The following HMGCLL1 variants were observed in gnomAD, a reference collection of about 807,000 sequenced individuals.
The protein encoded by HMGCLL1 is 3-hydroxymethyl-3-methylglutaryl-CoA lyase, cytoplasmic.
In HMGCLL1, 36 loss-of-function variants were observed where a neutral mutation model predicts 39.1. The observed-to-expected ratio is 0.92, with a 90% CI of 0.71 to 1.22. The LOEUF is 1.22. HMGCLL1 is among the 50% of genes most tolerant of loss of function. The pLI is 0.00. For synonymous variants in HMGCLL1, 149 were observed against 144.0 expected, an observed-to-expected ratio of 1.03 and a Z score of -0.25; for missense variants, 451 against 416.5, an observed-to-expected ratio of 1.08 and a Z score of -0.72.
Position 55,435,550 on chromosome 6 carries a change from C to CT in HMGCLL1, c.*111_*112insA, listed in dbSNP as rs201664577. 3,136 of 500,568 alleles carry CT rather than the reference C, an allele frequency of 6.3e-3. 31 individuals carry two copies. The highest frequency in any genetic ancestry group is 0.037 in the African/African-American group (1,389 of 37,060). The allele number at this position is 500,568 out of a possible 1,614,324, so 31.0% of individuals were successfully genotyped here. On this transcript the variant is annotated 3_prime_UTR_variant, in exon 9 of 9. Coordinates refer to ENST00000274901, the MANE Select transcript of HMGCLL1 (RefSeq NM_001042406.2). ...TCTTTTTGAAAAGGATCTCTTTTTT[C>CT]CCACTCTTGTCCATTACTTCACATA...
the HMGCLL1 span, among the ~76,000 whole-genome samples, chr6:55,652,296 C>T: frequency 6.6e-6 from 1 of 151,846 alleles, no homozygotes; most frequent in Non-Finnish European, 1.5e-5. Context: ...GCCAAGAGGA[C>T]TTCAATGTTG....
the HMGCLL1 span, among the ~76,000 whole-genome samples, chr6:55,666,193 T>C: frequency 2.0e-5 from 3 of 151,686 alleles, no homozygotes; most frequent in East Asian, 1.9e-4. Context: ...GCTAAAAAAG[T>C]AATGGAACCA....
chr6:55,628,655 T>C, the HMGCLL1 span, among the ~76,000 whole-genome samples: 1 of 152,028 alleles, frequency 6.6e-6, no homozygotes, highest in Non-Finnish European at 1.5e-5. Flanking sequence ...CCTGATATCA[T>C]TTGGCAGTGT....
At chr6:55,662,123 T>C in the HMGCLL1 span, among the ~76,000 whole-genome samples, 1 of 151,896 alleles carries the variant, frequency 6.6e-6, no homozygotes, top group Non-Finnish European at 1.5e-5. Context: ...TAGAATCATG[T>C]TGTCTCCAAA....
chr6:55,510,069 T>C (rs1035871309), intron 5 of HMGCLL1, among the ~76,000 whole-genome samples: 7 of 151,980 alleles, frequency 4.6e-5, no homozygotes, highest in African/African-American at 1.7e-4. Context: ...ATTCAACCAG[T>C]TACAATTCAC....
At position 55,579,175 on chromosome 6, in the gene HMGCLL1, G is replaced by A. The variant is rs1771922610; in HGVS notation, c.-120C>T. On this transcript the variant is annotated 5_prime_UTR_variant, in exon 1 of 9. Coordinates refer to ENST00000274901, the MANE Select transcript of HMGCLL1 (RefSeq NM_001042406.2). ...CGCCCCTCCGGTGCACTGGCTGTGA[G>A]GACCAGAGCTGTTCTGCGCACTGCG... is the stretch of plus-strand genomic sequence containing the variant. The A allele has an allele frequency of 5.3e-6, 4 of 761,008 alleles. No individual in the cohort carries two copies. The highest frequency in any genetic ancestry group is 4.7e-5 in the South Asian group (3 of 63,544). 47.1% of individuals were successfully genotyped at this position (761,008 alleles called of 1,614,324 possible).
intron 1 of HMGCLL1, among the ~76,000 whole-genome samples, chr6:55,574,673 G>A (rs1249249137): frequency 6.6e-6 from 1 of 151,894 alleles, no homozygotes; most frequent in East Asian, 1.9e-4. Flanking sequence ...TGGCAGTTTG[G>A]TCCCTGTCTG....
chr6:55,606,679 G>A, the HMGCLL1 span, among the ~76,000 whole-genome samples: 1 of 152,050 alleles, frequency 6.6e-6, no homozygotes, highest in Non-Finnish European at 1.5e-5. Context: ...ATTCTGTGTT[G>A]TAGACAGAAT....
chr6:55,661,284 G>A, the HMGCLL1 span, among the ~76,000 whole-genome samples: 2 of 151,648 alleles, frequency 1.3e-5, no homozygotes, highest in African/African-American at 4.8e-5. Flanking sequence ...TCATGAAATT[G>A]TTGCCAGTTC....
At chr6:55,459,463 G>A (rs942857727) in intron 7 of HMGCLL1, among the ~76,000 whole-genome samples, 1 of 151,876 alleles carries the variant, frequency 6.6e-6, no homozygotes, top group African/African-American at 2.4e-5. Flanking sequence ...TGAGGCATGG[G>A]GAGCAGACCT....
rs557065313 is a variant in HMGCLL1 at position 55,478,146 on chromosome 6, G to T, written c.795+17273C>A. ...TTTATGAATTTTATTTTACACCTAA[G>T]TTTCAAATATGTTGGCATAACCTTT... On this transcript the variant is annotated intron_variant, in intron 7 of 8. Transcript: ENST00000274901. 5.4e-5 allele frequency among the ~76,000 whole-genome samples: 8 copies of T among 149,232 alleles called. 1 individual carries two copies. The East Asian group carries it at 7.9e-4, about 15-fold the overall frequency.
intron 1 of HMGCLL1, among the ~76,000 whole-genome samples, chr6:55,545,163 G>A (rs1244314061): frequency 6.7e-6 from 1 of 150,160 alleles, no homozygotes; most frequent in African/African-American, 2.5e-5. Flanking sequence ...CAATTAGCTT[G>A]GCACATACAT....
chr6:55,553,202 C>CACACACAT (rs1554158788), intron 1 of HMGCLL1, among the ~76,000 whole-genome samples: 5 of 148,528 alleles, frequency 3.4e-5, no homozygotes, highest in African/African-American at 1.0e-4. Flanking sequence ...CACACACACA[C>CACACACAT]ATACACACAC....
the HMGCLL1 span, among the ~76,000 whole-genome samples, chr6:55,636,847 T>C: frequency 6.6e-6 from 1 of 151,910 alleles, no homozygotes; most frequent in Admixed American, 6.6e-5. Context: ...GAAGAGAGAG[T>C]TCCTGGTATC....
At chr6:55,572,383 T>A (rs1771544672) in intron 1 of HMGCLL1, among the ~76,000 whole-genome samples, 2 of 152,180 alleles carry the variant, frequency 1.3e-5, no homozygotes, top group African/African-American at 2.4e-5. Flanking sequence ...ATTTTATTCA[T>A]CTATCAAAAT....
chr6:55,601,765 C>T, the HMGCLL1 span, among the ~76,000 whole-genome samples: 1 of 151,974 alleles, frequency 6.6e-6, no homozygotes, highest in Non-Finnish European at 1.5e-5. Context: ...GGCTATTAAT[C>T]ACTGATTTTG....
chr6:55,549,406 G>GTGTGTGTA (rs1770191732), intron 1 of HMGCLL1, among the ~76,000 whole-genome samples: 1 of 149,512 alleles, frequency 6.7e-6, no homozygotes, highest in South Asian at 2.1e-4. Context: ...GTGTGTGTGT[G>GTGTGTGTA]TCTGTGTGTA....
At chr6:55,552,495 A>T (rs1328353259) in intron 1 of HMGCLL1, among the ~76,000 whole-genome samples, 1 of 152,074 alleles carries the variant, frequency 6.6e-6, no homozygotes, top group Admixed American at 6.5e-5. Context: ...GAAAAATTCT[A>T]TTACCACTCT....
chr6:55,533,441 T>G (rs967924050), intron 3 of HMGCLL1, among the ~76,000 whole-genome samples: 5 of 152,192 alleles, frequency 3.3e-5, no homozygotes, highest in African/African-American at 1.2e-4. Flanking sequence ...AACAAAAATC[T>G]AATTGCTACT....
Sources: allele counts gnomAD v4.1 joint callset (sites outside exome capture counted in the v4.1 genomes callset), GRCh38; gene constraint gnomAD v4.1.1; transcripts MANE v1.5; gene names NCBI Gene and HGNC (gene_info 2026-07-23, HGNC 2026-07-21).